DPP10: variants seen among roughly 807,000 people sequenced by gnomAD.
The protein encoded by DPP10 is dipeptidyl peptidase like 10.
Under a neutral mutation model 120.9 loss-of-function variants are expected in DPP10, and 33 were observed. That is an observed-to-expected ratio of 0.27 (90% confidence interval 0.21 to 0.37). The LOEUF (loss-of-function observed/expected upper bound fraction) is 0.37, where lower values mean the gene tolerates loss of function less well. Ranked by LOEUF, DPP10 falls within the 10% of genes least tolerant of loss-of-function variation. The pLI, the probability that DPP10 is intolerant of heterozygous loss-of-function variation, is 1.00. For missense variants in DPP10, 816 were observed against 942.8 expected (o/e 0.87, Z 1.76); for synonymous variants, 337 against 326.1 (o/e 1.03, Z -0.36).
At chr2:115,782,760 A>G (rs1044669115) in intron 17 of DPP10, among the ~76,000 whole-genome samples, 3 of 152,112 alleles carry the variant, frequency 2.0e-5, no homozygotes, top group African/African-American at 7.2e-5. Context: ...CCTTTTGAAG[A>G]CATTTCAGAA....
At chr2:114,787,128 G>A (rs1246881868) in intron 1 of DPP10, among the ~76,000 whole-genome samples, 3 of 152,188 alleles carry the variant, frequency 2.0e-5, no homozygotes, top group Non-Finnish European at 2.9e-5. Context: ...CTGGGGTAGG[G>A]TAGGGGATTA....
At chr2:115,254,422 A>C (rs866732519) in intron 1 of DPP10, among the ~76,000 whole-genome samples, 13 of 152,156 alleles carry the variant, frequency 8.5e-5, no homozygotes, top group African/African-American at 3.1e-4. Context: ...ATAATTCAAG[A>C]TGAGATTTGG....
intron 3 of DPP10, among the ~76,000 whole-genome samples, chr2:115,487,089 C>A (rs186918569): frequency 0.011 from 1,739 of 152,048 alleles, 28 homozygotes; most frequent in African/African-American, 0.039. Flanking sequence ...AAACAACAGA[C>A]AAACAGAGAG....
At chr2:114,505,655 C>G (rs558670249) in intron 1 of DPP10, among the ~76,000 whole-genome samples, 2 of 152,214 alleles carry the variant, frequency 1.3e-5, no homozygotes, top group Non-Finnish European at 2.9e-5. Context: ...ATAATGGCAT[C>G]AAGGCACAAA....
intron 19 of DPP10, among the ~76,000 whole-genome samples, chr2:115,805,130 G>A (rs1685767100): frequency 1.3e-5 from 2 of 152,160 alleles, no homozygotes; most frequent in African/African-American, 4.8e-5. Flanking sequence ...CTCAGCAATG[G>A]CAGGCGCCCC....
chr2:115,587,207 C>T (rs2082349630), intron 5 of DPP10, among the ~76,000 whole-genome samples: 1 of 149,692 alleles, frequency 6.7e-6, no homozygotes, highest in Admixed American at 6.7e-5. Flanking sequence ...ACGCCATTCT[C>T]CTGCCTCAGC....
chr2:115,211,524 C>T (rs1406484164), intron 1 of DPP10, among the ~76,000 whole-genome samples: 1 of 152,098 alleles, frequency 6.6e-6, no homozygotes, highest in Non-Finnish European at 1.5e-5. Context: ...ATAACATTTG[C>T]TCTTTTGCCT....
intron 5 of DPP10, among the ~76,000 whole-genome samples, chr2:115,657,740 AGATT>A (rs984376367): frequency 9.2e-5 from 14 of 151,996 alleles, no homozygotes; most frequent in Admixed American, 2.6e-4. Context: ...TAAAAATGAT[AGATT>A]GATATATTTT....
At chr2:115,437,593 G>C (rs1343553201) in intron 3 of DPP10, among the ~76,000 whole-genome samples, 1 of 151,978 alleles carries the variant, frequency 6.6e-6, no homozygotes, top group Non-Finnish European at 1.5e-5. Context: ...ACGTATATGT[G>C]GTGCTTTGAA....
intron 1 of DPP10, among the ~76,000 whole-genome samples, chr2:115,116,617 A>T (rs1439148204): frequency 8.5e-5 from 13 of 152,194 alleles, no homozygotes; most frequent in Admixed American, 8.5e-4. Flanking sequence ...TTAAGTTTCA[A>T]AGATTCCATA....
intron 1 of DPP10, among the ~76,000 whole-genome samples, chr2:114,928,732 G>T (rs1330667577): frequency 6.6e-6 from 1 of 151,724 alleles, no homozygotes; most frequent in African/African-American, 2.4e-5. Flanking sequence ...CTTTTGCCTG[G>T]GCACCACACA....
intron 1 of DPP10, among the ~76,000 whole-genome samples, chr2:114,852,265 C>A (rs919585595): frequency 6.7e-6 from 1 of 150,058 alleles, no homozygotes; most frequent in African/African-American, 2.5e-5. Flanking sequence ...GATCACCCCT[C>A]TGGCCTTTCA....
At chr2:115,745,445 C>CCTTT (rs1677832853) in intron 9 of DPP10, among the ~76,000 whole-genome samples, 1 of 150,484 alleles carries the variant, frequency 6.6e-6, no homozygotes, top group African/African-American at 2.4e-5. Context: ...GCTATCCTTG[C>CCTTT]CTTTCTGTTC....
intron 1 of DPP10, among the ~76,000 whole-genome samples, chr2:114,950,706 A>G (rs1353282698): frequency 6.6e-6 from 1 of 152,136 alleles, no homozygotes; most frequent in Admixed American, 6.6e-5. Context: ...GACTGTATTA[A>G]CAGAAGAAAG....
chr2:115,272,195 C>T (rs775477363), intron 1 of DPP10, among the ~76,000 whole-genome samples: 2 of 152,150 alleles, frequency 1.3e-5, no homozygotes, highest in Non-Finnish European at 2.9e-5. Context: ...TTCTTTGAAA[C>T]TGATCAACCT....
rs943395855 is a variant in DPP10, at chr2:114,751,719, A to G, written c.60+308881A>G. 2.2e-4 allele frequency among the ~76,000 whole-genome samples: 34 copies of G among 152,192 alleles called. 1 individual carries two copies. The highest frequency in any genetic ancestry group is 2.2e-3 in the Admixed American group (34 of 15,280). ...CTGGGAGATTTCTTTACCTCTCTCC[A>G]GGTTTCAATCTATTTCCTCACTCCA... On this transcript the variant is annotated intron_variant, in intron 1 of 25. Coordinates refer to ENST00000410059, the MANE Select transcript of DPP10 (RefSeq NM_020868.6).
At chr2:115,015,481 G>C (rs1573311071) in intron 1 of DPP10, among the ~76,000 whole-genome samples, 2 of 152,074 alleles carry the variant, frequency 1.3e-5, no homozygotes, top group African/African-American at 4.8e-5. Flanking sequence ...ATTCAACATA[G>C]TACTGGAAGT....
chr2:114,627,218 ATAT>A (rs1694577960), intron 1 of DPP10, among the ~76,000 whole-genome samples: 1 of 152,114 alleles, frequency 6.6e-6, no homozygotes, highest in Non-Finnish European at 1.5e-5. Context: ...AAAATAGTAA[ATAT>A]TATTTTGAAC....
intron 10 of DPP10, among the ~76,000 whole-genome samples, chr2:115,749,658 T>G (rs917708975): frequency 1.3e-5 from 2 of 152,190 alleles, no homozygotes; most frequent in Non-Finnish European, 2.9e-5. Context: ...GCATAGTTAT[T>G]AACAGAGGTC....
Sources: allele counts gnomAD v4.1 joint callset (sites outside exome capture counted in the v4.1 genomes callset), GRCh38; gene constraint gnomAD v4.1.1; transcripts MANE v1.5; gene names NCBI Gene and HGNC (gene_info 2026-07-23, HGNC 2026-07-21).